DAB1: variants seen among roughly 807,000 people sequenced by gnomAD.
DAB1 encodes DAB adaptor protein 1.
Under a neutral mutation model 64.6 loss-of-function variants are expected in DAB1, and 15 were observed. The ratio of observed to expected loss-of-function variants is 0.23; its 90% confidence interval spans 0.16 to 0.36. The LOEUF is 0.36. DAB1 is among the 10% of genes least tolerant of loss of function. DAB1 has a pLI of 1.00. For missense variants in DAB1, 596 were observed against 706.7 expected, an observed-to-expected ratio of 0.84 and a Z score of 1.78; for synonymous variants, 235 against 251.9, an observed-to-expected ratio of 0.93 and a Z score of 0.64.
chr1:57,153,629 TTTTTGTTTG>T (rs752994489), intron 2 of DAB1, among the ~76,000 whole-genome samples: 18 of 147,716 alleles, frequency 1.2e-4, no homozygotes, highest in Admixed American at 9.5e-4. Context: ...TGGGGTTTTT[TTTTTGTTTG>T]TTTGTTTGTT....
rs1287442753 is a variant in DAB1 at position 57,933,385 on chromosome 1, T to C, written n.388-49223A>G. ...CTTGTTGTTAGGATAAAGTGGCATCTTCTAAGCTTCTCACATGCCAGTAGA... is the reference window on the plus strand; with the variant it reads ...CTTGTTGTTAGGATAAAGTGGCATCCTCTAAGCTTCTCACATGCCAGTAGA... On this transcript the variant is annotated intron_variant and non_coding_transcript_variant, in intron 5 of 20. Coordinates refer to the DAB1 transcript ENST00000485760. Among the ~76,000 whole-genome samples, 4 of 152,172 alleles carry C rather than the reference T, an allele frequency of 2.6e-5. No individual in the cohort carries two copies. The South Asian group carries it at 8.3e-4, about 32-fold the overall frequency.
intron 5 of DAB1, among the ~76,000 whole-genome samples, chr1:57,954,733 T>C (rs868107296): frequency 6.6e-6 from 1 of 152,240 alleles, no homozygotes; most frequent in Non-Finnish European, 1.5e-5. Context: ...TGACTCCAAC[T>C]GACCAGGTAT....
intron 6 of DAB1, among the ~76,000 whole-genome samples, chr1:57,674,265 C>T (rs1438977847): frequency 6.6e-6 from 1 of 152,098 alleles, no homozygotes; most frequent in African/African-American, 2.4e-5. Flanking sequence ...TAACTTCCAG[C>T]AGTTATAAAA....
At chr1:57,385,523 T>C (rs1413559377) in intron 1 of DAB1, among the ~76,000 whole-genome samples, 2 of 152,148 alleles carry the variant, frequency 1.3e-5, no homozygotes, top group African/African-American at 4.8e-5. Flanking sequence ...TGGTGATATG[T>C]AGGAAAATGA....
chr1:57,347,829 G>A (rs948495590), intron 1 of DAB1, among the ~76,000 whole-genome samples: 4 of 152,024 alleles, frequency 2.6e-5, no homozygotes, highest in African/African-American at 9.7e-5. Flanking sequence ...TAGTACTGTG[G>A]CTAAGTTACT....
chr1:57,681,477 G>A (rs1332027370), intron 6 of DAB1, among the ~76,000 whole-genome samples: 2 of 152,086 alleles, frequency 1.3e-5, no homozygotes, highest in Non-Finnish European at 2.9e-5. Context: ...ATATATTTCT[G>A]CAGTGGCCAA....
chr1:57,649,450 G>A (rs576228385), intron 7 of DAB1: 1 of 152,268 alleles, frequency 6.6e-6, no homozygotes, highest in South Asian at 2.1e-4. Context: ...AAGGCTCCAT[G>A]AACCCTCTGA....
intron 1 of DAB1, among the ~76,000 whole-genome samples, chr1:57,402,475 G>A (rs1683324436): frequency 6.6e-6 from 1 of 152,106 alleles, no homozygotes; most frequent in African/African-American, 2.4e-5. Flanking sequence ...TAATAGGGAT[G>A]GTTTAATTAC....
At chr1:58,268,239 T>C (rs1557718928) in intron 4 of DAB1, among the ~76,000 whole-genome samples, 1 of 152,088 alleles carries the variant, frequency 6.6e-6, no homozygotes, top group South Asian at 2.1e-4. Context: ...GCTTATAAAA[T>C]GTACACAATA....
At chr1:58,417,074 A>G (rs1644728260) in intron 3 of DAB1, among the ~76,000 whole-genome samples, 13 of 152,138 alleles carry the variant, frequency 8.5e-5, no homozygotes, top group Admixed American at 7.2e-4. Flanking sequence ...TAAAATTCCT[A>G]TTGACTTGAC....
chr1:58,481,740 G>A (rs11207238), intron 3 of DAB1, among the ~76,000 whole-genome samples: 27,102 of 151,996 alleles, frequency 0.18, 2,561 homozygotes, highest in African/African-American at 0.23. Context: ...GGTGTTTCCC[G>A]TGCTGTTCTC....
chr1:57,200,850 A>T (rs981255505), intron 2 of DAB1, among the ~76,000 whole-genome samples: 12 of 152,224 alleles, frequency 7.9e-5, no homozygotes, highest in Non-Finnish European at 1.5e-4. Context: ...TTATTATTTG[A>T]TCATCAAAAG....
chr1:57,664,820 A>G (rs1449685834), intron 6 of DAB1, among the ~76,000 whole-genome samples: 1 of 152,038 alleles, frequency 6.6e-6, no homozygotes, highest in Non-Finnish European at 1.5e-5. Context: ...TAAGCAGAAA[A>G]AAATAGGACA....
chr1:58,492,828 A>G (rs182150681), intron 3 of DAB1, among the ~76,000 whole-genome samples: 1,652 of 152,324 alleles, frequency 0.011, 30 homozygotes, highest in African/African-American at 0.037. Flanking sequence ...GCCGAATTCT[A>G]CCAGAGGTAC....
chr1:58,463,197 AAGAG>A (rs1365127730), intron 3 of DAB1, among the ~76,000 whole-genome samples: 1 of 152,184 alleles, frequency 6.6e-6, no homozygotes, highest in Non-Finnish European at 1.5e-5. Flanking sequence ...CTGAAGTGAA[AAGAG>A]AGAGATTTAA....
rs541118263 is a variant in DAB1, at chr1:57,063,485, G to A, written c.664-542C>T. ...TCATTGAAGAAAAAGGCCCACGAGT[G>A]GTATGGAAAGTGTGGGCCTAGTACG... is the stretch of plus-strand genomic sequence containing the variant. On this transcript the variant is annotated intron_variant, in intron 8 of 14. Transcript: ENST00000371236. Among the ~76,000 whole-genome samples, 3 of 152,240 alleles carry A rather than the reference G, an allele frequency of 2.0e-5. No individual in the cohort carries two copies. The East Asian group carries it at 5.8e-4, about 30-fold the overall frequency.
At chr1:57,224,520 T>A (rs372975628) in intron 2 of DAB1, among the ~76,000 whole-genome samples, 3 of 152,196 alleles carry the variant, frequency 2.0e-5, no homozygotes, top group Non-Finnish European at 4.4e-5. Context: ...GTCTGTTCTT[T>A]CCCATGCCCC....
chr1:57,392,629 C>T (rs549993294), intron 1 of DAB1, among the ~76,000 whole-genome samples: 1 of 152,300 alleles, frequency 6.6e-6, no homozygotes, highest in South Asian at 2.1e-4. Flanking sequence ...TTTGAGAAAA[C>T]AGGAGAAATA....
chr1:58,329,126 A>G (rs1415345689), intron 4 of DAB1, among the ~76,000 whole-genome samples: 2 of 152,224 alleles, frequency 1.3e-5, no homozygotes, highest in African/African-American at 4.8e-5. Flanking sequence ...TTCTTACTAC[A>G]AAAGTAATAG....
Sources: allele counts gnomAD v4.1 joint callset (sites outside exome capture counted in the v4.1 genomes callset), GRCh38; gene constraint gnomAD v4.1.1; transcripts MANE v1.5; gene names NCBI Gene and HGNC (gene_info 2026-07-23, HGNC 2026-07-21).